AKAP19: variants seen among roughly 807,000 people sequenced by gnomAD.
AKAP19 encodes small A-kinase anchoring protein.
chr2:190,017,490 A>G, the AKAP19 span, among the ~76,000 whole-genome samples: 1 of 152,172 alleles, frequency 6.6e-6, no homozygotes, highest in Admixed American at 6.6e-5. Context: ...TACATATAAC[A>G]GGCTATTTCA....
chr2:189,905,825 G>A, the AKAP19 span, among the ~76,000 whole-genome samples: 3 of 152,004 alleles, frequency 2.0e-5, no homozygotes, highest in Non-Finnish European at 4.4e-5. Context: ...TGTTAGGGAA[G>A]TCTTTAGGCA....
At chr2:190,024,074 T>G in the AKAP19 span, among the ~76,000 whole-genome samples, 1 of 151,790 alleles carries the variant, frequency 6.6e-6, no homozygotes, top group East Asian at 1.9e-4. Context: ...CAATAGTAAA[T>G]GTATTTATGT....
At chr2:190,192,465 T>TG in the AKAP19 span, among the ~76,000 whole-genome samples, 1 of 133,078 alleles carries the variant, frequency 7.5e-6, no homozygotes, top group Admixed American at 7.2e-5. Flanking sequence ...TGTGTGTGTG[T>TG]GTGTGTGTGT....
the AKAP19 span, among the ~76,000 whole-genome samples, chr2:190,101,900 C>T: frequency 6.6e-6 from 1 of 152,068 alleles, no homozygotes; most frequent in Non-Finnish European, 1.5e-5. Flanking sequence ...TATATATATT[C>T]TTCTCATCTA....
the AKAP19 span, among the ~76,000 whole-genome samples, chr2:190,196,800 C>A: frequency 2.0e-5 from 3 of 152,068 alleles, no homozygotes; most frequent in African/African-American, 7.2e-5. Flanking sequence ...TATCTGGCTT[C>A]TTTTGTGCTA....
At chr2:189,896,008 CAAA>C in the AKAP19 span, among the ~76,000 whole-genome samples, 26 of 117,974 alleles carry the variant, frequency 2.2e-4, no homozygotes, top group Admixed American at 3.4e-4. Context: ...GACCCTGTCT[CAAA>C]AAAAAAAAAA....
chr2:190,171,432 A>C, the AKAP19 span, among the ~76,000 whole-genome samples: 1 of 151,996 alleles, frequency 6.6e-6, no homozygotes, highest in Non-Finnish European at 1.5e-5. Flanking sequence ...AATGAAAATC[A>C]TTTTATTGGA....
the AKAP19 span, among the ~76,000 whole-genome samples, chr2:190,158,712 G>C: frequency 6.6e-6 from 1 of 152,218 alleles, no homozygotes; most frequent in East Asian, 1.9e-4. Flanking sequence ...AGAAATAGTG[G>C]ACCCAGGTCC....
chr2:190,188,018 T>C, the AKAP19 span, among the ~76,000 whole-genome samples: 1 of 152,228 alleles, frequency 6.6e-6, no homozygotes, highest in East Asian at 1.9e-4. Flanking sequence ...TAAAGGGGCT[T>C]TCTTTTCCTC....
chr2:190,066,615 C>T, the AKAP19 span, among the ~76,000 whole-genome samples: 2 of 151,976 alleles, frequency 1.3e-5, no homozygotes. Flanking sequence ...GATAATCATC[C>T]CACATTGATG....
At chr2:190,166,546 A>C in the AKAP19 span, among the ~76,000 whole-genome samples, 311 of 152,178 alleles carry the variant, frequency 2.0e-3, no homozygotes, top group African/African-American at 7.1e-3. Flanking sequence ...GTGCAAACCA[A>C]ATCCTGCAAT....
At chr2:190,133,493 A>C in the AKAP19 span, among the ~76,000 whole-genome samples, 1 of 152,280 alleles carries the variant, frequency 6.6e-6, no homozygotes, top group East Asian at 1.9e-4. Context: ...TAGTGTGAAA[A>C]GCAGTATGAA....
At chr2:190,199,557 A>T in the AKAP19 span, 3 of 299,904 alleles carry the variant, frequency 1.0e-5, no homozygotes, top group Non-Finnish European at 1.7e-5. Flanking sequence ...TTTTTCTTCT[A>T]CTGATAAGAT....
At chr2:190,032,556 C>G in the AKAP19 span, among the ~76,000 whole-genome samples, 1 of 152,164 alleles carries the variant, frequency 6.6e-6, no homozygotes, top group African/African-American at 2.4e-5. Flanking sequence ...GGCCTGAACT[C>G]TTTTCACCCC....
chr2:190,033,864 C>T, the AKAP19 span, among the ~76,000 whole-genome samples: 1 of 152,106 alleles, frequency 6.6e-6, no homozygotes, highest in African/African-American at 2.4e-5. Context: ...GAGTATCTGC[C>T]ATTCTTTTCT....
the AKAP19 span, among the ~76,000 whole-genome samples, chr2:190,072,073 C>T: frequency 6.6e-6 from 1 of 152,140 alleles, no homozygotes; most frequent in Non-Finnish European, 1.5e-5. Flanking sequence ...AGTAGCAATG[C>T]AGCCATAAAA....
At chr2:190,054,837 G>A in the AKAP19 span, among the ~76,000 whole-genome samples, 1 of 152,184 alleles carries the variant, frequency 6.6e-6, no homozygotes, top group Non-Finnish European at 1.5e-5. Flanking sequence ...AACAGGTGCT[G>A]GAGAGGATGT....
chr2:190,177,153 T>C, the AKAP19 span, among the ~76,000 whole-genome samples: 1 of 152,182 alleles, frequency 6.6e-6, no homozygotes, highest in Admixed American at 6.5e-5. This position sits in a 1 kb window ranked among gnomAD's most constrained non-coding sequence, Gnocchi z 4.6. Context: ...AGTAAGTTTA[T>C]CTTGTTTGCA....
At chr2:189,930,941 C>T in the AKAP19 span, 2 of 734,848 alleles carry the variant, frequency 2.7e-6, no homozygotes, top group Non-Finnish European at 4.8e-6. Context: ...CTAAAGCTAG[C>T]CCAGTCGGAC....
Sources: gnomAD v4.1 joint callset for allele counts (sites outside exome capture counted in the v4.1 genomes callset) on GRCh38, gnomAD v4.1.1 for gene constraint, Gnocchi (gnomAD v3.1) non-coding constraint, MANE v1.5 for transcripts, NCBI Gene and HGNC (gene_info 2026-07-23, HGNC 2026-07-21) for gene names.